SCN8A: variants seen among roughly 807,000 people sequenced by gnomAD.
The protein encoded by SCN8A is sodium channel protein type 8 subunit alpha.
Under a neutral mutation model 184.1 loss-of-function variants are expected in SCN8A, and 30 were observed. The observed-to-expected ratio is 0.16, with a 90% CI of 0.12 to 0.22. The LOEUF is 0.22. Among genes scored for constraint, SCN8A ranks in the 10% least tolerant of loss-of-function variants. SCN8A has a pLI of 1.00. For synonymous variants in SCN8A, 852 were observed against 907.0 expected (o/e 0.94, Z 1.09); for missense variants, 1,057 against 2,498.9 (o/e 0.42, Z 12.30).
intron 1 of SCN8A, among the ~76,000 whole-genome samples, chr12:51,599,489 G>A (rs1337217636): frequency 6.6e-6 from 1 of 152,160 alleles, no homozygotes; most frequent in African/African-American, 2.4e-5. Flanking sequence ...GTGTTTTGGG[G>A]GAGCAGTGAG....
intron 12 of SCN8A, among the ~76,000 whole-genome samples, chr12:51,730,274 T>C (rs1057170506): frequency 6.6e-6 from 1 of 152,204 alleles, no homozygotes; most frequent in Non-Finnish European, 1.5e-5. Context: ...TAGCACCATT[T>C]GTTCAAGAGA....
intron 1 of SCN8A, among the ~76,000 whole-genome samples, chr12:51,619,633 A>C (rs1939918569): frequency 1.3e-5 from 2 of 152,224 alleles, no homozygotes. Flanking sequence ...GGTTTTACCA[A>C]GTCTTTTACC....
chr12:51,788,195 G>T (rs372020964), intron 22 of SCN8A, among the ~76,000 whole-genome samples: 18 of 151,880 alleles, frequency 1.2e-4, no homozygotes, highest in African/African-American at 4.1e-4. Context: ...TACTACATAG[G>T]CTATACATGT....
intron 7 of SCN8A, 50 bp downstream of exon 7, chr12:51,699,841 T>C: frequency 6.7e-7 from 1 of 1,483,452 alleles, no homozygotes; most frequent in Non-Finnish European, 9.3e-7. Context: ...TATTCCTAGT[T>C]CACATGGTCA....
At position 51,706,429 on chromosome 12, in the gene SCN8A, C is replaced by G; in HGVS notation, c.1349C>G (p.Ala450Gly). The change falls in exon 11 of 27, where the codon GCG becomes GGG. Residue 450 changes from alanine to glycine, a missense_variant. Physicochemically the swap from Ala to Gly is moderately conservative, Grantham distance 60 (BLOSUM62 0). Transcript: ENST00000627620. The part of the protein sequence containing the change: ...KKQQEEAQAA[A>G]MATSAGTVSE... ...CTGTGGCTTCTTTCCTAGGCTGCTG[C>G]GATGGCCACTTCAGCAGGAACTGTC... 6.3e-7 allele frequency: 1 copy of G among 1,581,418 alleles called. No individual in the cohort carries two copies. The highest frequency in any genetic ancestry group is 8.6e-7 in the Non-Finnish European group (1 of 1,165,726).
intron 3 of SCN8A, among the ~76,000 whole-genome samples, chr12:51,685,679 T>C (rs1425091365): frequency 1.3e-5 from 2 of 152,184 alleles, no homozygotes; most frequent in African/African-American, 4.8e-5. Flanking sequence ...ACATTGGACA[T>C]ATTCAACACA....
intron 1 of SCN8A, among the ~76,000 whole-genome samples, chr12:51,652,921 G>T (rs1940746979): frequency 6.6e-6 from 1 of 152,154 alleles, no homozygotes; most frequent in Non-Finnish European, 1.5e-5. Context: ...ATTCATCAGA[G>T]TATCATTTAT....
intron 16 of SCN8A, among the ~76,000 whole-genome samples, chr12:51,768,614 G>A (rs1038910523): frequency 8.6e-5 from 13 of 151,962 alleles, no homozygotes; most frequent in African/African-American, 2.7e-4. Context: ...ATATATTTTC[G>A]GGTACATATA....
intron 17 of SCN8A, among the ~76,000 whole-genome samples, chr12:51,769,618 T>G (rs1942891937): frequency 6.6e-6 from 1 of 152,200 alleles, no homozygotes; most frequent in Admixed American, 6.5e-5. Flanking sequence ...GTTATAGCCC[T>G]GAAACCAACC....
At chr12:51,755,153 A>C (rs1004553837) in intron 14 of SCN8A, among the ~76,000 whole-genome samples, 1 of 152,216 alleles carries the variant, frequency 6.6e-6, no homozygotes, top group Admixed American at 6.5e-5. Flanking sequence ...TGTTTTCAAG[A>C]ACCTATTGAG....
intron 1 of SCN8A, among the ~76,000 whole-genome samples, chr12:51,641,913 A>T (rs1432168014): frequency 6.6e-6 from 1 of 152,236 alleles, no homozygotes; most frequent in African/African-American, 2.4e-5. Context: ...ACTCAAATCC[A>T]ATTCCAAGAG....
chr12:51,748,313 AAT>A (rs1158605145), intron 13 of SCN8A, among the ~76,000 whole-genome samples: 4 of 152,202 alleles, frequency 2.6e-5, no homozygotes, highest in Non-Finnish European at 5.9e-5. Flanking sequence ...CGACTTACCT[AAT>A]AGTTTAGAAA....
At chr12:51,712,677 C>T (rs963626525) in intron 11 of SCN8A, 13 of 839,352 alleles carry the variant, frequency 1.5e-5, no homozygotes, top group African/African-American at 1.5e-4. Flanking sequence ...CCATCATATC[C>T]TCCACCACCG....
chr12:51,695,765 C>A (rs1431435122), intron 6 of SCN8A, among the ~76,000 whole-genome samples: 1 of 152,170 alleles, frequency 6.6e-6, no homozygotes, highest in African/African-American at 2.4e-5. Context: ...CCATTCTCAC[C>A]ACATGAAAAT....
intron 26 of SCN8A, among the ~76,000 whole-genome samples, chr12:51,799,989 C>T (rs1938510559): frequency 1.3e-5 from 2 of 152,244 alleles, no homozygotes; most frequent in African/African-American, 4.8e-5. Flanking sequence ...ACTTCTCGCT[C>T]ACTGGGTCCA....
chr12:51,699,170 A>T (rs565978241), intron 6 of SCN8A, among the ~76,000 whole-genome samples: 1 of 152,206 alleles, frequency 6.6e-6, no homozygotes, highest in Non-Finnish European at 1.5e-5. Context: ...GCCTTGAAGG[A>T]TGAGTAGGAT....
chr12:51,799,506 C>T lies in SCN8A; in HGVS notation c.4795+4865C>T, dbSNP rs12580826. On this transcript the variant is annotated intron_variant, in intron 26 of 26. Coordinates refer to ENST00000627620, the MANE Select transcript of SCN8A (RefSeq NM_001330260.2). ...GGCAGGGCCTTGCTCCAAAATCCTA[C>T]GGACCTCCTCTGTGATTCACCTATG... Among the ~76,000 whole-genome samples, 226 of 152,264 alleles carry T rather than the reference C, an allele frequency of 1.5e-3. 3 individuals are homozygous for T. The East Asian group carries it at 0.04, about 27-fold the overall frequency.
chr12:51,659,717 T>A (rs919850317), intron 1 of SCN8A, among the ~76,000 whole-genome samples: 1 of 152,084 alleles, frequency 6.6e-6, no homozygotes, highest in African/African-American at 2.4e-5. Context: ...GGGAGACTAC[T>A]GCAGTAGGAC....
At chr12:51,758,061 C>T (rs961470601) in intron 14 of SCN8A, among the ~76,000 whole-genome samples, 1 of 152,220 alleles carries the variant, frequency 6.6e-6, no homozygotes, top group Admixed American at 6.5e-5. Flanking sequence ...AGGAGCATGG[C>T]TTGAGGCCAG....
Sources: allele counts gnomAD v4.1 joint callset (sites outside exome capture counted in the v4.1 genomes callset), GRCh38; gene constraint gnomAD v4.1.1; transcripts MANE v1.5; gene names NCBI Gene and HGNC (gene_info 2026-07-23, HGNC 2026-07-21).